Variants in U2SURP observed in about 807,000 individuals in gnomAD.
U2SURP encodes the protein U2 snRNP associated SURP domain containing.
In U2SURP, 9 loss-of-function variants were observed where a neutral mutation model predicts 144.9. That is an observed-to-expected ratio of 0.06 (90% CI 0.04 to 0.11). The LOEUF is 0.11. U2SURP is among the 10% of genes least tolerant of loss of function. U2SURP has a pLI of 1.00. For synonymous variants in U2SURP, 408 were observed against 396.8 expected (o/e 1.03, Z -0.33); for missense variants, 724 against 1,226.7 (o/e 0.59, Z 6.12).
At chr3:143,020,140 C>T in intron 7 of U2SURP, 104 bp downstream of exon 7, 6 of 627,664 alleles carry the variant, frequency 9.6e-6, no homozygotes, top group Non-Finnish European at 1.5e-5. Context: ...TATTACTAAC[C>T]AGTTTGCTAT....
chr3:143,038,266 T>A, intron 22 of U2SURP, 63 bp downstream of exon 22: 2 of 1,232,982 alleles, frequency 1.6e-6, no homozygotes, highest in African/African-American at 1.5e-5. Context: ...ATTGGTGTGC[T>A]TGTATATATG....
chr3:143,029,268 C>A (rs780801608), intron 16 of U2SURP, among the ~76,000 whole-genome samples: 1 of 152,284 alleles, frequency 6.6e-6, no homozygotes, highest in South Asian at 2.1e-4. Context: ...AGTTTTATTG[C>A]GCTTTGACTT....
At chr3:143,043,363 A>G in intron 24 of U2SURP, 87 bp downstream of exon 24, 1 of 1,339,598 alleles carries the variant, frequency 7.5e-7, no homozygotes, top group Admixed American at 2.5e-5. Flanking sequence ...ATTGTACCGT[A>G]GTACATACTG....
intron 19 of U2SURP, 144 bp downstream of exon 19, chr3:143,035,119 G>T (rs909910174): frequency 4.0e-5 from 18 of 451,710 alleles, no homozygotes; most frequent in Non-Finnish European, 7.7e-6. Context: ...TTAAAATTCT[G>T]TCGTTTTTGT....
intron 12 of U2SURP, among the ~76,000 whole-genome samples, chr3:143,023,623 G>A (rs1011359559): frequency 2.0e-5 from 3 of 152,156 alleles, no homozygotes; most frequent in Non-Finnish European, 4.4e-5. Context: ...TGGTTTTAAA[G>A]GCTTGGGAAC....
At chr3:143,048,378 A>T (rs998207709) in intron 24 of U2SURP, among the ~76,000 whole-genome samples, 2 of 152,216 alleles carry the variant, frequency 1.3e-5, no homozygotes, top group Non-Finnish European at 2.9e-5. Context: ...GACTCTTTCT[A>T]ACGCAAACTG....
At position 143,035,824 on chromosome 3, in the gene U2SURP, A is replaced by T. The variant is rs187444735; in HGVS notation, c.1942-158A>T. Among the ~76,000 whole-genome samples, 644 of 152,104 alleles carry T rather than the reference A, an allele frequency of 4.2e-3. 1 individual carries two copies. Among genetic ancestry groups the T allele is most frequent in the Non-Finnish European group, 5.7e-3 (389 of 67,958 alleles). The stretch of plus-strand genomic sequence containing the variant: ...ATTAGAAGGTGACATTGATTTTTTT[A>T]AAAAATATGGTAATGATATATAGTT... On this transcript the variant is annotated intron_variant, in intron 19 of 27. Coordinates refer to ENST00000473835, the MANE Select transcript of U2SURP (RefSeq NM_001080415.2).
chr3:143,010,843 G>T lies in U2SURP; in HGVS notation c.74G>T (p.Gly25Val). Residue 25 changes from glycine to valine, a missense_variant, in exon 2 of 28, where the codon GGA becomes GTA. Coordinates refer to ENST00000473835, the MANE Select transcript of U2SURP (RefSeq NM_001080415.2). ...KTRSSDVHSS[G>V]SSDAHMDASG... ...AGATCATCAGATGTTCATTCATCTG[G>T]ATCTTCAGATGCACATGTGAGTATA... is the stretch of plus-strand genomic sequence containing the variant. 1 of 1,606,224 alleles carries T rather than the reference G, an allele frequency of 6.2e-7. No individual in the cohort carries two copies. Among genetic ancestry groups the T allele is most frequent in the Non-Finnish European group, 8.5e-7 (1 of 1,176,646 alleles).
intron 1 of U2SURP, among the ~76,000 whole-genome samples, chr3:143,008,017 A>G (rs1335287283): frequency 6.6e-6 from 1 of 152,250 alleles, no homozygotes; most frequent in African/African-American, 2.4e-5. Flanking sequence ...TCTGGTTTGC[A>G]GTAAATGTGA....
At chr3:143,032,729 A>G (rs1933579010) in intron 16 of U2SURP, 55 bp from the exon 17 acceptor site, 2 of 1,480,246 alleles carry the variant, frequency 1.4e-6, no homozygotes, top group Admixed American at 1.9e-5. Flanking sequence ...CAAAAGCTAC[A>G]ATGGCATTTG....
chr3:143,047,844 C>A (rs1220737006), intron 24 of U2SURP, among the ~76,000 whole-genome samples: 2 of 98,120 alleles, frequency 2.0e-5, no homozygotes, highest in Admixed American at 2.2e-4. Context: ...AGGAGCCCCT[C>A]ACCTCCCGGA....
chr3:143,007,480 C>G (rs564737383), intron 1 of U2SURP, among the ~76,000 whole-genome samples: 13 of 143,758 alleles, frequency 9.0e-5, no homozygotes, highest in African/African-American at 3.1e-4. Flanking sequence ...GAGTCTCGCT[C>G]TGTCGCCCAG....
At position 143,016,337 on chromosome 3, in the gene U2SURP, A is replaced by G. The variant is rs1411674908; in HGVS notation, c.402A>G (p.Thr134=). 2 of 1,613,256 alleles carry G rather than the reference A, an allele frequency of 1.2e-6. No homozygotes were observed. The highest frequency in any genetic ancestry group is 1.1e-5 in the South Asian group (1 of 91,052). ...GAAGTGATGGTAATAAAGTGAAAAC[A>G]TTTGTGCGAGGGGGTGTTGTTAATG... is the stretch of plus-strand genomic sequence containing the variant. ...FEGSDGNKVK[T]FVRGGVVNAA... The change falls in exon 5 of 28, where the codon ACA becomes ACG. Residue 134 remains threonine, a synonymous_variant. Transcript: ENST00000473835.
intron 3 of U2SURP, among the ~76,000 whole-genome samples, chr3:143,012,979 A>G (rs1401241178): frequency 6.6e-6 from 1 of 152,180 alleles, no homozygotes; most frequent in East Asian, 1.9e-4. Context: ...TTCTAGGCAT[A>G]AATATATTTT....
chr3:143,031,322 C>G (rs1030554517), intron 16 of U2SURP, among the ~76,000 whole-genome samples: 4 of 151,498 alleles, frequency 2.6e-5, no homozygotes, highest in African/African-American at 7.3e-5. Flanking sequence ...AACAACAACT[C>G]ATGCTGCAGA....
In U2SURP at chr3:143,051,082, T is replaced by C. The variant is rs548280346; in HGVS notation, c.2655+33T>C. 1.5e-5 allele frequency: 20 copies of C among 1,340,354 alleles called. No homozygotes were observed. In the Middle Eastern group the frequency reaches 7.4e-4, roughly 49 times the overall value. 83.0% of individuals were successfully genotyped at this position (1,340,354 alleles called of 1,614,324 possible). A position where few individuals can be genotyped will look rare whatever the true frequency, so the allele number is the denominator to read the frequency against. ...ATAAGTATACCCAATAATACACATATTTTGAAGTTATTTATTTGACTTCCT... is the reference window on the plus strand; with the variant it reads ...ATAAGTATACCCAATAATACACATACTTTGAAGTTATTTATTTGACTTCCT... On this transcript the variant is annotated intron_variant, in intron 25 of 27. Coordinates refer to ENST00000473835, the MANE Select transcript of U2SURP (RefSeq NM_001080415.2).
chr3:143,055,248 C>A, intron 27 of U2SURP, 129 bp downstream of exon 27: 2 of 816,644 alleles, frequency 2.4e-6, no homozygotes, highest in Non-Finnish European at 3.8e-6. Flanking sequence ...CAAAGAGATA[C>A]ACTTTCATTT....
Position 143,050,991 on chromosome 3 carries a change from A to G in U2SURP, c.2597A>G (p.Lys866Arg). Reference sequence around the variant, plus strand: ...TTGGAATCTGGGAAAAGACCTAAAAAACCAGGCCAGAGTTTTCAGGAGCAA... The same window carrying G: ...TTGGAATCTGGGAAAAGACCTAAAAGACCAGGCCAGAGTTTTCAGGAGCAA... The part of the protein sequence containing the change: ...DELESGKRPK[K>R]PGQSFQEQVE... The change falls in exon 25 of 28, where the codon AAA becomes AGA. Residue 866 changes from lysine to arginine, a missense_variant. By Grantham distance (26) the Lys-to-Arg change is conservative (BLOSUM62 2). Coordinates refer to ENST00000473835, the MANE Select transcript of U2SURP (RefSeq NM_001080415.2). 1.2e-6 allele frequency: 2 copies of G among 1,613,458 alleles called. No homozygotes were observed. Among genetic ancestry groups the G allele is most frequent in the Non-Finnish European group, 1.7e-6 (2 of 1,179,678 alleles).
Position 143,010,746 on chromosome 3 carries a change from A to G in U2SURP, c.46-69A>G, listed in dbSNP as rs1936081052. ...AGTTAGGAAACTCTTAAGTTTGTATAACACGAGAGACATGTTTTGTTAGTA... is the reference window on the plus strand; with the variant it reads ...AGTTAGGAAACTCTTAAGTTTGTATGACACGAGAGACATGTTTTGTTAGTA... On this transcript the variant is annotated intron_variant, in intron 1 of 27. Coordinates refer to ENST00000473835, the MANE Select transcript of U2SURP (RefSeq NM_001080415.2). 3.2e-6 allele frequency: 4 copies of G among 1,245,698 alleles called. No homozygotes were observed. The Admixed American group carries it at 8.9e-5, about 28-fold the overall frequency. The allele number at this position is 1,245,698 out of a possible 1,614,324, so 77.2% of individuals were successfully genotyped here.
Sources: allele counts gnomAD v4.1 joint callset (sites outside exome capture counted in the v4.1 genomes callset), GRCh38; gene constraint gnomAD v4.1.1; transcripts MANE v1.5; gene names NCBI Gene and HGNC (gene_info 2026-07-23, HGNC 2026-07-21).